SHISA9: variants seen among roughly 807,000 people sequenced by gnomAD.
The protein encoded by SHISA9 is protein shisa-9.
Under a neutral mutation model 38.0 loss-of-function variants are expected in SHISA9, and 13 were observed. The ratio of observed to expected loss-of-function variants is 0.34; its 90% CI spans 0.22 to 0.54. SHISA9 has a LOEUF of 0.54. Ranked by LOEUF, SHISA9 falls within the 20% of genes least tolerant of loss-of-function variation. SHISA9 has a pLI of 0.91. For synonymous variants in SHISA9, 275 were observed against 242.0 expected, an observed-to-expected ratio of 1.14 and a Z score of -1.27; for missense variants, 538 against 575.8, an observed-to-expected ratio of 0.93 and a Z score of 0.67.
At chr16:13,521,194 C>T in the SHISA9 span, among the ~76,000 whole-genome samples, 1 of 152,152 alleles carries the variant, frequency 6.6e-6, no homozygotes, top group Non-Finnish European at 1.5e-5. Flanking sequence ...CCAGCATCTT[C>T]CTGATCTTTC....
intron 2 of SHISA9, among the ~76,000 whole-genome samples, chr16:13,024,004 C>T (rs1046956040): frequency 7.9e-5 from 12 of 152,308 alleles, no homozygotes; most frequent in African/African-American, 2.6e-4. Flanking sequence ...GGCTGAGGAA[C>T]AGAAGAAAGT....
At chr16:13,478,445 T>G in the SHISA9 span, among the ~76,000 whole-genome samples, 1 of 152,208 alleles carries the variant, frequency 6.6e-6, no homozygotes, top group Non-Finnish European at 1.5e-5. Flanking sequence ...GACCTAATTC[T>G]TAGGGTCCTA....
chr16:13,189,689 C>A (rs1183344963), intron 2 of SHISA9, among the ~76,000 whole-genome samples: 7 of 152,166 alleles, frequency 4.6e-5, no homozygotes, highest in Non-Finnish European at 1.0e-4. Flanking sequence ...AAAGATGGCT[C>A]AGAGTTAGTT....
chr16:13,338,689 C>A, the SHISA9 span, among the ~76,000 whole-genome samples: 1 of 152,098 alleles, frequency 6.6e-6, no homozygotes, highest in Non-Finnish European at 1.5e-5. Context: ...AAAGATTAGG[C>A]CCATGTTTTC....
At chr16:13,037,479 G>A (rs1274984618) in intron 2 of SHISA9, among the ~76,000 whole-genome samples, 1 of 152,040 alleles carries the variant, frequency 6.6e-6, no homozygotes, top group African/African-American at 2.4e-5. Flanking sequence ...CAGTGAGGGA[G>A]AGTGCAAGTT....
At chr16:13,423,161 AG>A in the SHISA9 span, among the ~76,000 whole-genome samples, 3 of 152,210 alleles carry the variant, frequency 2.0e-5, no homozygotes, top group Non-Finnish European at 4.4e-5. Context: ...TTCTCTGAAC[AG>A]TGGCATCCAG....
At chr16:13,153,174 C>T (rs1172715589) in intron 2 of SHISA9, among the ~76,000 whole-genome samples, 1 of 152,032 alleles carries the variant, frequency 6.6e-6, no homozygotes, top group Non-Finnish European at 1.5e-5. Flanking sequence ...CTTCTGACCT[C>T]CAGACATGTA....
the SHISA9 span, among the ~76,000 whole-genome samples, chr16:13,348,595 C>T: frequency 1.3e-5 from 2 of 151,734 alleles, no homozygotes; most frequent in South Asian, 4.2e-4. Flanking sequence ...TCAGTCTCCA[C>T]AGTCCCACTT....
At position 13,197,126 on chromosome 16, in the gene SHISA9, C is replaced by CACACACACAG. The variant is rs1567243990; in HGVS notation, c.692-6259_692-6258insGACACACACA. Among the ~76,000 whole-genome samples the CACACACACAG allele has an allele frequency of 6.9e-3, 1,034 of 150,238 alleles. 16 individuals carry two copies. The highest frequency in any genetic ancestry group is 0.024 in the African/African-American group (964 of 40,652). On this transcript the variant is annotated intron_variant, in intron 2 of 4. Coordinates refer to ENST00000558583, the MANE Select transcript of SHISA9 (RefSeq NM_001145204.3). ...ACATACACACACACACACACACACACACACACACACATATATGTGTATATA... is the reference window on the plus strand; with the variant it reads ...ACATACACACACACACACACACACACACACACACAGACACACACACATATATGTGTATATA...
At chr16:12,954,882 T>G (rs1456354039) in intron 2 of SHISA9, among the ~76,000 whole-genome samples, 2 of 152,098 alleles carry the variant, frequency 1.3e-5, no homozygotes, top group African/African-American at 2.4e-5. Flanking sequence ...CATGTGTTAT[T>G]TCCATATCCA....
chr16:13,203,253 A>G lies in SHISA9; in HGVS notation c.692-141A>G, dbSNP rs191280336. 3.7e-4 allele frequency: 252 copies of G among 679,150 alleles called. 1 individual carries two copies. In the African/African-American group the frequency reaches 4.3e-3, roughly 12 times the overall value. 42.1% of individuals were successfully genotyped at this position (679,150 alleles called of 1,614,324 possible). A position where few individuals can be genotyped will look rare whatever the true frequency, so the allele number is the denominator to read the frequency against. On this transcript the variant is annotated intron_variant, in intron 2 of 4. Coordinates refer to ENST00000558583, the MANE Select transcript of SHISA9 (RefSeq NM_001145204.3). Reference sequence around the variant, plus strand: ...CTATGAACTCAATTGTGTCCCATGTATCTGTGAACCCTCTGCTGTTTTGCG... The same window carrying G: ...CTATGAACTCAATTGTGTCCCATGTGTCTGTGAACCCTCTGCTGTTTTGCG...
chr16:13,051,065 G>A (rs553633669), intron 2 of SHISA9, among the ~76,000 whole-genome samples: 1 of 152,290 alleles, frequency 6.6e-6, no homozygotes, highest in South Asian at 2.1e-4. Flanking sequence ...TTGAGGTGAC[G>A]CTTTTGCATA....
the SHISA9 span, among the ~76,000 whole-genome samples, chr16:13,426,821 A>G: frequency 7.5e-4 from 114 of 152,376 alleles, no homozygotes; most frequent in African/African-American, 2.6e-3. Context: ...TGGCGTTGAC[A>G]GTAATTAAAC....
chr16:13,396,046 A>T, the SHISA9 span, among the ~76,000 whole-genome samples: 9 of 152,240 alleles, frequency 5.9e-5, no homozygotes, highest in Admixed American at 4.6e-4. Flanking sequence ...TATGACTCAT[A>T]CTTTTCATCT....
At chr16:13,118,226 A>G (rs2074050490) in intron 2 of SHISA9, among the ~76,000 whole-genome samples, 1 of 151,008 alleles carries the variant, frequency 6.6e-6, no homozygotes, top group Non-Finnish European at 1.5e-5. Context: ...CTGGGAGATG[A>G]CACATTCACC....
chr16:13,282,571 A>G, the SHISA9 span, among the ~76,000 whole-genome samples: 1 of 152,072 alleles, frequency 6.6e-6, no homozygotes, highest in African/African-American at 2.4e-5. Flanking sequence ...TTAAAAATAA[A>G]TATTTTTTCT....
At chr16:13,489,765 A>G in the SHISA9 span, among the ~76,000 whole-genome samples, 2 of 152,180 alleles carry the variant, frequency 1.3e-5, no homozygotes, top group Non-Finnish European at 2.9e-5. Context: ...GCAAACAAAT[A>G]CAATCCCCCG....
chr16:12,954,746 G>T (rs2071805637), intron 2 of SHISA9, among the ~76,000 whole-genome samples: 1 of 152,096 alleles, frequency 6.6e-6, no homozygotes, highest in Non-Finnish European at 1.5e-5. Context: ...AGTTGTAGAG[G>T]GTACATGGCA....
chr16:13,122,364 A>G (rs1437718288), intron 2 of SHISA9, among the ~76,000 whole-genome samples: 1 of 152,172 alleles, frequency 6.6e-6, no homozygotes, highest in Non-Finnish European at 1.5e-5. Context: ...GCAAGCAGTT[A>G]TCTTCAGAGG....
Sources: gnomAD v4.1 joint callset for allele counts (sites outside exome capture counted in the v4.1 genomes callset) on GRCh38, gnomAD v4.1.1 for gene constraint, MANE v1.5 for transcripts, NCBI Gene and HGNC (gene_info 2026-07-23, HGNC 2026-07-21) for gene names.